Variants in RIMBP2 observed in about 807,000 individuals in gnomAD.
RIMBP2 encodes RIMS binding protein 2, also known as RIMS-binding protein 2.
RIMBP2 carries 48 observed loss-of-function variants against 118.6 expected under a neutral mutation model. The ratio of observed to expected loss-of-function variants is 0.40; its 90% CI spans 0.32 to 0.51. RIMBP2 has a LOEUF of 0.51. Among genes scored for constraint, RIMBP2 ranks in the 20% least tolerant of loss-of-function variants. The pLI is 0.41. For synonymous variants in RIMBP2, 762 were observed against 742.9 expected, an observed-to-expected ratio of 1.03 and a Z score of -0.42; for missense variants, 1,551 against 1,768.3, an observed-to-expected ratio of 0.88 and a Z score of 2.20.
rs368203624 is a variant in RIMBP2, at chr12:130,676,634, GAAAA to G, written c.-352+39584_-352+39587del. 8.1e-3 allele frequency among the ~76,000 whole-genome samples: 1,223 copies of G among 150,960 alleles called. 18 individuals are homozygous for G. Among genetic ancestry groups the G allele is most frequent in the African/African-American group, 0.028 (1,168 of 41,038 alleles). On this transcript the variant is annotated intron_variant, in intron 1 of 22. Transcript: ENST00000690449. ...CGAGAGTCTGTCTCAAAAAAAAAAA[GAAAA>G]AAGAAAAGAAAACACACACACAGTG...
chr12:130,445,071 C>T, intron 10 of RIMBP2, 89 bp downstream of exon 10: 1 of 801,362 alleles, frequency 1.2e-6, no homozygotes, highest in Non-Finnish European at 2.0e-6. Flanking sequence ...TGTTGGGAGC[C>T]CTGCCTATCT....
rs977214482 is a variant in RIMBP2 at position 130,615,969 on chromosome 12, T to G, written c.-217+12353A>C. On this transcript the variant is annotated intron_variant, in intron 2 of 22. Transcript: ENST00000690449. ...CCTCCTGCTCCGGGCGGGGACGTGG[T>G]CTGGACAACAGCGTTTGCTTTTTCA... Among the ~76,000 whole-genome samples, 5 of 152,152 alleles carry G rather than the reference T, an allele frequency of 3.3e-5. 1 individual carries two copies. The South Asian group carries it at 1.0e-3, about 32-fold the overall frequency.
At chr12:130,652,574 G>A (rs956106287) in intron 1 of RIMBP2, among the ~76,000 whole-genome samples, 12 of 151,990 alleles carry the variant, frequency 7.9e-5, no homozygotes, top group Admixed American at 3.9e-4. Context: ...ATATTGGGCC[G>A]TATCTGCATT....
At chr12:130,645,678 G>T (rs1419372163) in intron 1 of RIMBP2, among the ~76,000 whole-genome samples, 1 of 152,202 alleles carries the variant, frequency 6.6e-6, no homozygotes, top group South Asian at 2.1e-4. Flanking sequence ...CAGAGAGAAG[G>T]ATGAGAAGAA....
chr12:130,714,547 T>G (rs1194145819), intron 1 of RIMBP2, among the ~76,000 whole-genome samples: 1 of 152,172 alleles, frequency 6.6e-6, no homozygotes, highest in Non-Finnish European at 1.5e-5. Flanking sequence ...ACCCTCTCCC[T>G]GACCCAGTTT....
intron 1 of RIMBP2, among the ~76,000 whole-genome samples, chr12:130,713,622 C>G (rs544029961): frequency 2.0e-5 from 3 of 152,222 alleles, no homozygotes; most frequent in East Asian, 3.8e-4. Flanking sequence ...GGTTCTCCCC[C>G]GGGTTCCCAG....
At chr12:130,418,591 C>T (rs546827892) in intron 17 of RIMBP2, among the ~76,000 whole-genome samples, 1 of 152,294 alleles carries the variant, frequency 6.6e-6, no homozygotes, top group African/African-American at 2.4e-5. Flanking sequence ...TCTGGCTACA[C>T]CATTTTCCAA....
chr12:130,663,742 C>T (rs756774641), intron 1 of RIMBP2, among the ~76,000 whole-genome samples: 4 of 151,680 alleles, frequency 2.6e-5, no homozygotes, highest in Admixed American at 1.3e-4. Context: ...GGTACTTTAA[C>T]GAAGTTTTGG....
chr12:130,635,311 A>C (rs891021985), intron 1 of RIMBP2, among the ~76,000 whole-genome samples: 1 of 152,148 alleles, frequency 6.6e-6, no homozygotes, highest in Admixed American at 6.5e-5. Flanking sequence ...TGCTTATCGT[A>C]TTCTAAGCAC....
Position 130,450,535 on chromosome 12 carries a change from G to A in RIMBP2, c.505-259C>T, listed in dbSNP as rs3817299. Among the ~76,000 whole-genome samples the A allele has an allele frequency of 0.19, 29,322 of 151,714 alleles. 2,970 individuals are homozygous for A. Among genetic ancestry groups the A allele is most frequent in the Admixed American group, 0.28 (4,270 of 15,250 alleles). On this transcript the variant is annotated intron_variant, in intron 8 of 22. Transcript: ENST00000690449. This position sits in a 1 kb window ranked among gnomAD's most constrained non-coding sequence, Gnocchi z 4.8. ...CCCAGTCCCCAAACAGGAAGGTAAG[G>A]CTCAAAGACTCCGCCCAGTGTCTCC...
chr12:130,404,198 A>C (rs78105811), intron 21 of RIMBP2, among the ~76,000 whole-genome samples: 1 of 152,220 alleles, frequency 6.6e-6, no homozygotes, highest in Non-Finnish European at 1.5e-5. Flanking sequence ...TTTGTGGGGG[A>C]CATGTACACA....
intron 6 of RIMBP2, among the ~76,000 whole-genome samples, chr12:130,458,627 C>T (rs1376978242): frequency 6.6e-6 from 1 of 152,226 alleles, no homozygotes; most frequent in Non-Finnish European, 1.5e-5. Flanking sequence ...ATGGGGCACT[C>T]GCGGAGCCTT....
chr12:130,707,582 C>T (rs773886426), intron 1 of RIMBP2, among the ~76,000 whole-genome samples: 4 of 152,168 alleles, frequency 2.6e-5, no homozygotes, highest in African/African-American at 9.7e-5. Flanking sequence ...GAGGCCCTTG[C>T]GCTTGCTCTA....
intron 1 of RIMBP2, among the ~76,000 whole-genome samples, chr12:130,699,973 T>C (rs915962248): frequency 1.3e-5 from 2 of 149,882 alleles, no homozygotes; most frequent in Non-Finnish European, 3.0e-5. Flanking sequence ...TTTAAAATGC[T>C]AGCAACCAAT....
intron 3 of RIMBP2, 29 bp downstream of exon 3, chr12:130,517,799 G>T (rs570296818): frequency 2.6e-5 from 25 of 949,932 alleles, no homozygotes; most frequent in Admixed American, 6.2e-5. Context: ...CAGGGCCCCA[G>T]ATGGTCTGTG....
At position 130,492,140 on chromosome 12, in the gene RIMBP2, C is replaced by A. The variant is rs11615062; in HGVS notation, c.-3-13124G>T. 7.4e-3 allele frequency among the ~76,000 whole-genome samples: 1,133 copies of A among 152,266 alleles called. 8 individuals carry two copies. Among genetic ancestry groups the A allele is most frequent in the Middle Eastern group, 0.014 (4 of 294 alleles). On this transcript the variant is annotated intron_variant, in intron 4 of 22. Coordinates refer to ENST00000690449, the MANE Select transcript of RIMBP2 (RefSeq NM_001393629.1). The stretch of plus-strand genomic sequence containing the variant: ...TGTCACATTAGTGGGATCTGCTACG[C>A]GTGGTAGAAATAATGAAGCATTTAT...
intron 19 of RIMBP2, among the ~76,000 whole-genome samples, chr12:130,409,118 G>A (rs145821939): frequency 2.0e-5 from 3 of 152,234 alleles, no homozygotes; most frequent in African/African-American, 7.2e-5. Context: ...TCTCACTGAA[G>A]TCAAACTTAC....
chr12:130,549,650 C>T (rs2055539021), intron 2 of RIMBP2, among the ~76,000 whole-genome samples: 1 of 152,170 alleles, frequency 6.6e-6, no homozygotes, highest in South Asian at 2.1e-4. Flanking sequence ...AGGATAATGG[C>T]CTCCAGCTCC....
chr12:130,437,222 C>T lies in RIMBP2; in HGVS notation c.1726G>A (p.Ala576Thr), dbSNP rs2077591734. ...AGGGTCCGCACGGTCACGCCCTTGGCCTCCAGGCTCCGCAGCCGCACAAGC... is the reference window on the plus strand; with the variant it reads ...AGGGTCCGCACGGTCACGCCCTTGGTCTCCAGGCTCCGCAGCCGCACAAGC... ...VELVRLRSLE[A>T]KGVTVRTLSA... The change falls in exon 13 of 23, where the codon GCC becomes ACC. Residue 576 changes from alanine to threonine, a missense_variant. By Grantham distance (58) the Ala-to-Thr change is moderately conservative. Around this residue, in one of 5 missense-constraint regions of RIMBP2, gnomAD observed 1,038 missense variants for 1,125.1 expected, o/e 0.92. Coordinates refer to ENST00000690449, the MANE Select transcript of RIMBP2 (RefSeq NM_001393629.1). The T allele has an allele frequency of 1.9e-6, 3 of 1,584,372 alleles. No homozygotes were observed. Among genetic ancestry groups the T allele is most frequent in the Non-Finnish European group, 2.6e-6 (3 of 1,170,312 alleles).
Sources: allele counts gnomAD v4.1 joint callset (sites outside exome capture counted in the v4.1 genomes callset), GRCh38; gene constraint gnomAD v4.1.1; regional missense constraint gnomAD v4.1.1; non-coding constraint Gnocchi (gnomAD v3.1); transcripts MANE v1.5; gene names NCBI Gene and HGNC (gene_info 2026-07-23, HGNC 2026-07-21).